Variants in SULF1 observed in about 807,000 individuals in gnomAD.
SULF1 encodes extracellular sulfatase Sulf-1.
A neutral mutation model predicts 110.5 loss-of-function variants in SULF1; 46 were observed. The ratio of observed to expected loss-of-function variants is 0.42; its 90% CI spans 0.33 to 0.53. The LOEUF (loss-of-function observed/expected upper bound fraction) is 0.53. SULF1 is among the 20% of genes least tolerant of loss of function. The pLI is 0.12. For synonymous variants in SULF1, 371 were observed against 387.1 expected (o/e 0.96, Z 0.49); for missense variants, 941 against 1,094.2 (o/e 0.86, Z 1.98).
intron 22 of SULF1, among the ~76,000 whole-genome samples, chr8:69,643,246 G>A (rs542577423): frequency 6.6e-6 from 1 of 152,270 alleles, no homozygotes; most frequent in East Asian, 1.9e-4. Flanking sequence ...CCTGCTCCTT[G>A]TATCTTATTG....
rs975990103 is a variant in SULF1, at chr8:69,658,984, G to C, written c.*449G>C. Reference sequence around the variant, plus strand: ...CTGGAGAAAAACCGAAAAATGGACGGGGCATGAAGAGACTAATCATCTGGA... The same window carrying C: ...CTGGAGAAAAACCGAAAAATGGACGCGGCATGAAGAGACTAATCATCTGGA... On this transcript the variant is annotated 3_prime_UTR_variant, in exon 23 of 23. Transcript: ENST00000402687. 1.1e-5 allele frequency: 5 copies of C among 457,594 alleles called. No individual in the cohort carries two copies. Among genetic ancestry groups the C allele is most frequent in the African/African-American group, 8.0e-5 (4 of 50,116 alleles). 28.3% of individuals were successfully genotyped at this position (457,594 alleles called of 1,614,324 possible).
chr8:69,532,113 G>A (rs556477862), intron 3 of SULF1, among the ~76,000 whole-genome samples: 29 of 152,242 alleles, frequency 1.9e-4, no homozygotes, highest in Admixed American at 3.3e-4. Context: ...ATTCAAGAAC[G>A]TTGAGAAACA....
chr8:69,624,140 T>C lies in SULF1; in HGVS notation c.1793T>C (p.Met598Thr). 1.2e-6 allele frequency: 2 copies of C among 1,612,240 alleles called. No homozygotes were observed. The highest frequency in any genetic ancestry group is 1.7e-6 in the Non-Finnish European group (2 of 1,178,630). Residue 598 changes from methionine (M) to threonine (T), a missense_variant, in exon 15 of 23, where the codon ATG becomes ACG. Coordinates refer to ENST00000402687, the MANE Select transcript of SULF1 (RefSeq NM_001128205.2). Reference sequence around the variant, plus strand: ...TCCAGTGGTGGCAACAGGGGCAGGATGCTGGCAGATAGCAGCAACGCCGTG... The same window carrying C: ...TCCAGTGGTGGCAACAGGGGCAGGACGCTGGCAGATAGCAGCAACGCCGTG... ...QASSGGNRGR[M>T]LADSSNAVGP... is the part of the protein sequence containing the mutation.
chr8:69,567,842 G>T (rs1816009413), intron 5 of SULF1, among the ~76,000 whole-genome samples: 3 of 152,020 alleles, frequency 2.0e-5, no homozygotes, highest in Admixed American at 2.0e-4. Flanking sequence ...AGTTATTTTG[G>T]AGCTATACCC....
Position 69,540,364 on chromosome 8 carries a change from A to G in SULF1, c.-133-23175A>G, listed in dbSNP as rs528702691. Among the ~76,000 whole-genome samples the G allele has an allele frequency of 8.5e-5, 13 of 152,374 alleles. No homozygotes were observed. In the South Asian group the frequency reaches 2.7e-3, roughly 32 times the overall value. ...TGTAAGGCACTTTTGCATTTATAAAATGTTTCACTCATTGTAAGTCATTTG... is the reference window on the plus strand; with the variant it reads ...TGTAAGGCACTTTTGCATTTATAAAGTGTTTCACTCATTGTAAGTCATTTG... On this transcript the variant is annotated intron_variant, in intron 3 of 22. Coordinates refer to ENST00000402687, the MANE Select transcript of SULF1 (RefSeq NM_001128205.2).
chr8:69,658,377 A>G lies in SULF1; in HGVS notation c.2586-128A>G, dbSNP rs77481352. 838 of 662,174 alleles carry G rather than the reference A, an allele frequency of 1.3e-3. 2 individuals carry two copies. The African/African-American group carries it at 0.013, about 11-fold the overall frequency. The allele number at this position is 662,174 out of a possible 1,614,324, so 41.0% of individuals were successfully genotyped here. ...GGCCACTCTGTGATAACAAATGACTAGGGGAAAATGCTTTTGAGTGTCATA... is the reference window on the plus strand; with the variant it reads ...GGCCACTCTGTGATAACAAATGACTGGGGGAAAATGCTTTTGAGTGTCATA... On this transcript the variant is annotated intron_variant, in intron 22 of 22. Coordinates refer to ENST00000402687, the MANE Select transcript of SULF1 (RefSeq NM_001128205.2).
intron 5 of SULF1, among the ~76,000 whole-genome samples, chr8:69,565,806 G>C (rs1205478659): frequency 6.6e-6 from 1 of 152,072 alleles, no homozygotes; most frequent in Non-Finnish European, 1.5e-5. Context: ...TGTCCCCAAG[G>C]CTGTTTCCCT....
chr8:69,482,555 A>T (rs1809553970), intron 1 of SULF1, among the ~76,000 whole-genome samples: 1 of 151,832 alleles, frequency 6.6e-6, no homozygotes, highest in South Asian at 2.1e-4. Context: ...ATATATATAT[A>T]TATAATTTTA....
At chr8:69,483,066 C>A (rs976784234) in intron 1 of SULF1, among the ~76,000 whole-genome samples, 1 of 152,064 alleles carries the variant, frequency 6.6e-6, no homozygotes, top group African/African-American at 2.4e-5. Context: ...CAAAGTATAT[C>A]GGAAGATGTG....
chr8:69,506,961 C>A (rs1032697276), intron 3 of SULF1, among the ~76,000 whole-genome samples: 1 of 152,170 alleles, frequency 6.6e-6, no homozygotes, highest in Non-Finnish European at 1.5e-5. Flanking sequence ...CATTACTTTG[C>A]GGTGATGCTC....
chr8:69,469,949 G>A (rs112356876), intron 1 of SULF1, among the ~76,000 whole-genome samples: 3,826 of 152,286 alleles, frequency 0.025, 159 homozygotes, highest in African/African-American at 0.088. Flanking sequence ...GTCTGAGGCA[G>A]GAGAATTGCT....
chr8:69,573,475 C>T (rs1563543683), intron 5 of SULF1, among the ~76,000 whole-genome samples: 1 of 152,140 alleles, frequency 6.6e-6, no homozygotes, highest in South Asian at 2.1e-4. Flanking sequence ...GATTCAGAAC[C>T]TTGGATGATG....
chr8:69,629,785 G>A, intron 19 of SULF1, 106 bp downstream of exon 19: 1 of 1,036,402 alleles, frequency 9.6e-7, no homozygotes, highest in Non-Finnish European at 1.4e-6. Flanking sequence ...AAAGATTCAA[G>A]AGAAAGGCAT....
Position 69,559,895 on chromosome 8 carries a change from TTTTG to T in SULF1, c.-133-3628_-133-3625del, listed in dbSNP as rs376158510. ...GAAGCTGGGTTTTTTTTGTTGTTGT[TTTTG>T]TTTGTTTGTTTGTTTTTACTATATG... On this transcript the variant is annotated intron_variant, in intron 3 of 22. Coordinates refer to ENST00000402687, the MANE Select transcript of SULF1 (RefSeq NM_001128205.2). 3.8e-3 allele frequency among the ~76,000 whole-genome samples: 575 copies of T among 152,280 alleles called. 1 individual carries two copies. The highest frequency in any genetic ancestry group is 6.6e-3 in the Non-Finnish European group (451 of 68,020).
In SULF1 at chr8:69,627,783, G is replaced by A; in HGVS notation, c.1959G>A (p.Leu653=). The change falls in exon 17 of 23, where the codon CTG becomes CTA. Residue 653 remains leucine (L), a synonymous_variant. Transcript: ENST00000402687. ...KAYIDKEIEA[L]QDKIKNLREV... ...AACATGTTTTCCAGATTGAAGCTCT[G>A]CAAGATAAAATTAAGAATTTAAGAG... is the stretch of plus-strand genomic sequence containing the variant. 1 of 1,610,134 alleles carries A rather than the reference G, an allele frequency of 6.2e-7. No homozygotes were observed. The highest frequency in any genetic ancestry group is 8.5e-7 in the Non-Finnish European group (1 of 1,177,974).
At chr8:69,614,798 ATAACAACT>A (rs1312260522) in intron 13 of SULF1, among the ~76,000 whole-genome samples, 1 of 152,274 alleles carries the variant, frequency 6.6e-6, no homozygotes, top group Non-Finnish European at 1.5e-5. Flanking sequence ...AAAGAAAATT[ATAACAACT>A]TAAGAAATTA....
intron 13 of SULF1, among the ~76,000 whole-genome samples, chr8:69,616,068 ATG>A (rs1426651780): frequency 6.7e-6 from 1 of 148,452 alleles, no homozygotes; most frequent in East Asian, 2.0e-4. Context: ...ACACATATAT[ATG>A]TGTGTATATA....
intron 6 of SULF1, among the ~76,000 whole-genome samples, chr8:69,581,365 T>C (rs1806051829): frequency 6.6e-6 from 1 of 152,206 alleles, no homozygotes; most frequent in East Asian, 1.9e-4. Flanking sequence ...TTCCTTGGCT[T>C]CAGGTAGTTC....
chr8:69,613,551 T>C (rs1013098401), intron 13 of SULF1, among the ~76,000 whole-genome samples: 3 of 152,170 alleles, frequency 2.0e-5, no homozygotes, highest in African/African-American at 7.2e-5. Flanking sequence ...CATGGAAAAC[T>C]GTTCTATGAG....
Sources: gnomAD v4.1 joint callset for allele counts (sites outside exome capture counted in the v4.1 genomes callset) on GRCh38, gnomAD v4.1.1 for gene constraint, MANE v1.5 for transcripts, NCBI Gene and HGNC (gene_info 2026-07-23, HGNC 2026-07-21) for gene names.